IFT74: variants seen among roughly 807,000 people sequenced by gnomAD.
The protein encoded by IFT74 is intraflagellar transport 74.
IFT74 carries 92 observed loss-of-function variants against 96.7 expected under a neutral mutation model. That is an observed-to-expected ratio of 0.95 (90% CI 0.80 to 1.13). The LOEUF (loss-of-function observed/expected upper bound fraction) is 1.13, where lower values mean the gene tolerates loss of function less well. IFT74 is among the 50% of genes most tolerant of loss of function. IFT74 has a pLI of 0.00. For synonymous variants in IFT74, 223 were observed against 213.2 expected (o/e 1.05, Z -0.40); for missense variants, 811 against 698.2 (o/e 1.16, Z -1.82).
rs1820513341 is a variant in IFT74, at chr9:27,063,469, A to G, written c.*733A>G. Among the ~76,000 whole-genome samples the G allele has an allele frequency of 1.3e-5, 2 of 152,140 alleles. No homozygotes were observed. Among genetic ancestry groups the G allele is most frequent in the African/African-American group, 4.8e-5 (2 of 41,460 alleles). On this transcript the variant is annotated 3_prime_UTR_variant, in exon 20 of 20. Transcript: ENST00000380062. ...TAGGAGAACTTAAGTAGATTAATTT[A>G]TAAACATTAGCCAGAATATTTGGGG...
At chr9:27,006,002 C>G (rs1828756748) in intron 8 of IFT74, among the ~76,000 whole-genome samples, 2 of 152,152 alleles carry the variant, frequency 1.3e-5, no homozygotes, top group South Asian at 2.1e-4. Context: ...CGGCACTGCA[C>G]CTGGCTAATT....
chr9:26,967,377 T>G lies in IFT74; in HGVS notation c.120+5290T>G, dbSNP rs576309568. Among the ~76,000 whole-genome samples the G allele has an allele frequency of 1.3e-4, 20 of 152,284 alleles. No individual in the cohort carries two copies. The South Asian group carries it at 4.1e-3, about 32-fold the overall frequency. The stretch of plus-strand genomic sequence containing the variant: ...GCTATTGTAAATGGGATAACTTTCT[T>G]GATTTTTTTCATGTTGTTCCCTGTT... On this transcript the variant is annotated intron_variant, in intron 2 of 19. Coordinates refer to ENST00000380062, the MANE Select transcript of IFT74 (RefSeq NM_025103.4).
chr9:26,960,592 C>A (rs1326610527), intron 1 of IFT74, among the ~76,000 whole-genome samples: 2 of 152,078 alleles, frequency 1.3e-5, no homozygotes, highest in Admixed American at 1.3e-4. Flanking sequence ...AACTACTACT[C>A]TAAATTATGA....
At chr9:27,056,214 G>A (rs1397208324) in intron 17 of IFT74, 120 bp from the exon 18 acceptor site, 1 of 731,220 alleles carries the variant, frequency 1.4e-6, no homozygotes, top group East Asian at 3.0e-5. Context: ...GGGTTTTAGA[G>A]TAGTTATAGC....
intron 2 of IFT74, among the ~76,000 whole-genome samples, chr9:26,976,101 C>T (rs1197896395): frequency 6.6e-6 from 1 of 152,170 alleles, no homozygotes; most frequent in African/African-American, 2.4e-5. Flanking sequence ...TGTTGTAAGC[C>T]TCTCCTTTCC....
At chr9:26,949,664 C>T (rs939610993) in intron 1 of IFT74, among the ~76,000 whole-genome samples, 2 of 152,052 alleles carry the variant, frequency 1.3e-5, no homozygotes, top group Non-Finnish European at 2.9e-5. Context: ...GGCCAGCCAA[C>T]GAGGAGGATG....
chr9:27,032,437 C>T (rs747788860), intron 13 of IFT74, among the ~76,000 whole-genome samples: 2 of 152,180 alleles, frequency 1.3e-5, no homozygotes, highest in African/African-American at 2.4e-5. Context: ...AAACTTTAAG[C>T]ACCTTGAAGG....
chr9:26,952,309 C>T (rs1159344110), upstream of IFT74, among the ~76,000 whole-genome samples: 1 of 146,500 alleles, frequency 6.8e-6, no homozygotes, highest in Non-Finnish European at 1.5e-5. Flanking sequence ...CGAAGTCTTA[C>T]TCTTGTCCCC....
chr9:27,009,097 T>C lies in IFT74; in HGVS notation c.665T>C (p.Met222Thr), dbSNP rs144847384. 2.5e-4 allele frequency: 403 copies of C among 1,612,450 alleles called. No homozygotes were observed. The African/African-American group carries it at 4.2e-3, about 17-fold the overall frequency. ...KQATDDIIKN[M>T]SFENQVKYLE... is the part of the protein sequence containing the mutation. ...GCAACAGATGACATTATCAAAAATA[T>C]GTCTTTTGAAAACCAAGTCAAGTAC... Residue 222 changes from methionine to threonine, a missense_variant, in exon 9 of 20, where the codon ATG becomes ACG. By Grantham distance (81) the Met-to-Thr change is moderately conservative. Coordinates refer to ENST00000380062, the MANE Select transcript of IFT74 (RefSeq NM_025103.4).
rs1321263582 is a variant in IFT74, at chr9:27,064,044, CA to C, written c.*1309del. 8.5e-5 allele frequency among the ~76,000 whole-genome samples: 13 copies of C among 152,196 alleles called. No homozygotes were observed. The highest frequency in any genetic ancestry group is 2.9e-4 in the African/African-American group (12 of 41,550). ...ATTATTTTATTTTTTCTTGACTGCT[CA>C]TAACCCTTAATATGCTAATGTATAA... On this transcript the variant is annotated 3_prime_UTR_variant, in exon 20 of 20. Coordinates refer to ENST00000380062, the MANE Select transcript of IFT74 (RefSeq NM_025103.4).
chr9:27,048,313 A>G, intron 16 of IFT74, 39 bp downstream of exon 16: 1 of 1,306,580 alleles, frequency 7.7e-7, no homozygotes, highest in Non-Finnish European at 1.1e-6. Context: ...CTTTTTTTTT[A>G]AAATATATCA....
chr9:27,039,102 G>A (rs1331322516), intron 13 of IFT74, among the ~76,000 whole-genome samples: 1 of 152,046 alleles, frequency 6.6e-6, no homozygotes, highest in African/African-American at 2.4e-5. Flanking sequence ...TCACCATATG[G>A]GCACCATGGG....
chr9:26,969,891 T>A (rs1826810830), intron 2 of IFT74, among the ~76,000 whole-genome samples: 1 of 152,124 alleles, frequency 6.6e-6, no homozygotes. Context: ...TGGAAATACT[T>A]TATTTCTCCT....
chr9:26,994,104 T>A (rs1047141117), intron 8 of IFT74: 2 of 152,232 alleles, frequency 1.3e-5, no homozygotes, highest in African/African-American at 4.8e-5. Context: ...TTCTTTGGAA[T>A]GTTATTGAAC....
At chr9:26,948,451 T>TTATTATTATTATTA (rs1563926466) in intron 1 of IFT74, among the ~76,000 whole-genome samples, 1 of 22,238 alleles carries the variant, frequency 4.5e-5, no homozygotes, top group Non-Finnish European at 7.3e-5. Flanking sequence ...TTCCATTATT[T>TTATTATTATTATTA]TTTTTTTTTT....
In IFT74 at chr9:27,063,176, A is replaced by T. The variant is rs1000629419; in HGVS notation, c.*440A>T. Among the ~76,000 whole-genome samples, 1 of 152,110 alleles carries T rather than the reference A, an allele frequency of 6.6e-6. No homozygotes were observed. The highest frequency in any genetic ancestry group is 6.6e-5 in the Admixed American group (1 of 15,262). On this transcript the variant is annotated 3_prime_UTR_variant, in exon 20 of 20. Coordinates refer to ENST00000380062, the MANE Select transcript of IFT74 (RefSeq NM_025103.4). ...TTAGAAGGGAGATTTTTAGCTTTGA[A>T]TGTTACTTCTCAAATAGGTTATATT...
chr9:26,962,880 C>A (rs1426793958), intron 2 of IFT74, among the ~76,000 whole-genome samples: 1 of 150,368 alleles, frequency 6.7e-6, no homozygotes, highest in Non-Finnish European at 1.5e-5. Context: ...AATATATATA[C>A]CATATATAGG....
chr9:27,052,038 T>G (rs1279405270), intron 16 of IFT74, among the ~76,000 whole-genome samples: 1 of 152,254 alleles, frequency 6.6e-6, no homozygotes, highest in African/African-American at 2.4e-5. Context: ...TTTTCATTTA[T>G]CTAAAGTCAA....
rs183506405 is a variant in IFT74, at chr9:27,006,430, T to C, written c.588-2590T>C. On this transcript the variant is annotated intron_variant, in intron 8 of 19. Transcript: ENST00000380062. ...CCGGCCAACTTAGCAAGACCTTGTC[T>C]CTACTCAAAATAAAAAGTAAAAACA... Among the ~76,000 whole-genome samples the C allele has an allele frequency of 4.6e-5, 7 of 152,194 alleles. No individual in the cohort carries two copies. The East Asian group carries it at 1.4e-3, about 29-fold the overall frequency.
Sources: allele counts gnomAD v4.1 joint callset (sites outside exome capture counted in the v4.1 genomes callset), GRCh38; gene constraint gnomAD v4.1.1; transcripts MANE v1.5; gene names NCBI Gene and HGNC (gene_info 2026-07-23, HGNC 2026-07-21).